RASA3: variants seen among roughly 807,000 people sequenced by gnomAD.
The protein encoded by RASA3 is ras GTPase-activating protein 3.
In RASA3, 73 loss-of-function variants were observed where a neutral mutation model predicts 110.0. The ratio of observed to expected loss-of-function variants is 0.66; its 90% CI spans 0.55 to 0.81. The LOEUF (loss-of-function observed/expected upper bound fraction) is 0.81, where lower values mean the gene tolerates loss of function less well. RASA3 is among the 30% of genes least tolerant of loss of function. The pLI, the probability that RASA3 is intolerant of heterozygous loss-of-function variation, is 0.00. For synonymous variants in RASA3, 500 were observed against 451.4 expected, an observed-to-expected ratio of 1.11 and a Z score of -1.37; for missense variants, 976 against 1,113.2, an observed-to-expected ratio of 0.88 and a Z score of 1.75.
At chr13:114,077,513 C>T (rs1187087055) in intron 1 of RASA3, among the ~76,000 whole-genome samples, 1 of 144,922 alleles carries the variant, frequency 6.9e-6, no homozygotes, top group Non-Finnish European at 1.5e-5. Flanking sequence ...CACACTGGCA[C>T]CAACGCACCG....
chr13:114,009,350 C>T lies in RASA3; in HGVS notation c.1668+37G>A, dbSNP rs372891629. Reference sequence around the variant, plus strand: ...AAAAGAGAACTCCGTCTCCTGAGCACGGCACACGGGCGGTCGGAGGGTGAG... The same window carrying T: ...AAAAGAGAACTCCGTCTCCTGAGCATGGCACACGGGCGGTCGGAGGGTGAG... On this transcript the variant is annotated intron_variant, in intron 17 of 23. Coordinates refer to ENST00000334062, the MANE Select transcript of RASA3 (RefSeq NM_007368.4). 79 of 1,515,946 alleles carry T rather than the reference C, an allele frequency of 5.2e-5. No individual in the cohort carries two copies. The African/African-American group carries it at 8.0e-4, about 15-fold the overall frequency. 93.9% of individuals were successfully genotyped at this position (1,515,946 alleles called of 1,614,324 possible).
chr13:114,038,785 G>A (rs554357270), intron 4 of RASA3, among the ~76,000 whole-genome samples: 7 of 152,246 alleles, frequency 4.6e-5, no homozygotes, highest in Admixed American at 3.3e-4. Context: ...GGTTGCCGGG[G>A]GACAAGGGTT....
chr13:114,038,728 C>G (rs1594367738), intron 4 of RASA3, among the ~76,000 whole-genome samples: 1 of 152,112 alleles, frequency 6.6e-6, no homozygotes, highest in African/African-American at 2.4e-5. Flanking sequence ...GACGAGGGTT[C>G]CCAGAGGACG....
At position 114,083,150 on chromosome 13, in the gene RASA3, A is replaced by G. The variant is rs531822275; in HGVS notation, c.56-9313T>C. Among the ~76,000 whole-genome samples, 3 of 152,256 alleles carry G rather than the reference A, an allele frequency of 2.0e-5. No homozygotes were observed. In the South Asian group the frequency reaches 6.2e-4, roughly 31 times the overall value. ...GGGAATGCTGGCGCTTCACTCATTC[A>G]TCAATGTCACAAGCAACTTTGTTGA... On this transcript the variant is annotated intron_variant, in intron 1 of 23. Coordinates refer to ENST00000334062, the MANE Select transcript of RASA3 (RefSeq NM_007368.4).
chr13:114,114,062 T>C lies in RASA3; in HGVS notation c.55+18373A>G, dbSNP rs971695072. On this transcript the variant is annotated intron_variant, in intron 1 of 23. Transcript: ENST00000334062. The surrounding 1 kb of genome is among the most constrained non-coding windows in gnomAD (Gnocchi z 4.8). ...GTCCGTATAGCTCACACCGCATCCA[T>C]CAATCCACCCACCACAGCAAGTGTC... Among the ~76,000 whole-genome samples, 3 of 152,166 alleles carry C rather than the reference T, an allele frequency of 2.0e-5. No individual in the cohort carries two copies. The East Asian group carries it at 5.8e-4, about 29-fold the overall frequency.
At chr13:114,093,559 T>G (rs2079910740) in intron 1 of RASA3, among the ~76,000 whole-genome samples, 1 of 152,230 alleles carries the variant, frequency 6.6e-6, no homozygotes, top group Non-Finnish European at 1.5e-5. Context: ...ATCTGATTGG[T>G]GACCTTTGAC....
At chr13:114,034,260 C>G (rs765457321) in intron 4 of RASA3, among the ~76,000 whole-genome samples, 1 of 152,260 alleles carries the variant, frequency 6.6e-6, no homozygotes, top group Admixed American at 6.5e-5. Context: ...GCTTCATCCC[C>G]GTTCTCAAAT....
intron 10 of RASA3, among the ~76,000 whole-genome samples, 199 bp downstream of exon 10, chr13:114,018,564 C>T (rs1431417022): frequency 6.6e-6 from 1 of 152,188 alleles, no homozygotes; most frequent in Non-Finnish European, 1.5e-5. Context: ...ACCAGGCTCC[C>T]ACGGCTCTAA....
chr13:114,079,179 A>T (rs985858993), intron 1 of RASA3, among the ~76,000 whole-genome samples: 1 of 152,212 alleles, frequency 6.6e-6, no homozygotes, highest in African/African-American at 2.4e-5. Context: ...GACGTCCTGG[A>T]GAGGCCAGGG....
intron 10 of RASA3, 100 bp downstream of exon 10, chr13:114,018,663 A>C: frequency 7.0e-7 from 1 of 1,433,028 alleles, no homozygotes; most frequent in South Asian, 1.3e-5. Context: ...AGGCCCCCTC[A>C]GGGAGAAGGT....
Position 114,096,335 on chromosome 13 carries a change from T to C in RASA3, c.56-22498A>G, listed in dbSNP as rs912142972. Among the ~76,000 whole-genome samples, 6 of 152,298 alleles carry C rather than the reference T, an allele frequency of 3.9e-5. No individual in the cohort carries two copies. Among genetic ancestry groups the C allele is most frequent in the Admixed American group, 1.3e-4 (2 of 15,306 alleles). On this transcript the variant is annotated intron_variant, in intron 1 of 23. Coordinates refer to ENST00000334062, the MANE Select transcript of RASA3 (RefSeq NM_007368.4). The surrounding 1 kb of genome is among the most constrained non-coding windows in gnomAD (Gnocchi z 5.1). ...CATGCCTCCTCTAGCAAATCGCCTC[T>C]CTCACAGTCACCTCAACAGCATCTC... is the stretch of plus-strand genomic sequence containing the variant.
intron 2 of RASA3, among the ~76,000 whole-genome samples, chr13:114,073,517 A>G (rs9525234): frequency 0.23 from 6,168 of 27,142 alleles, 139 homozygotes; most frequent in African/African-American, 0.35. Context: ...CCCTACACGC[A>G]GGAAAACGGG....
At chr13:114,059,660 CACT>C (rs1471192729) in intron 2 of RASA3, among the ~76,000 whole-genome samples, 1 of 152,258 alleles carries the variant, frequency 6.6e-6, no homozygotes, top group African/African-American at 2.4e-5. Context: ...CAGGACACAC[CACT>C]GCCTGGCTTG....
At chr13:114,097,107 A>G (rs7332011) in intron 1 of RASA3, among the ~76,000 whole-genome samples, 143,524 of 152,226 alleles carry the variant, frequency 0.94, 67,994 homozygotes, top group Non-Finnish European at 1. Context: ...CAGCAGCTAT[A>G]GTTGTGTGCA....
At chr13:114,061,931 G>A (rs1261391112) in intron 2 of RASA3, among the ~76,000 whole-genome samples, 1 of 152,126 alleles carries the variant, frequency 6.6e-6, no homozygotes, top group African/African-American at 2.4e-5. Flanking sequence ...CAGGGGTTGG[G>A]CGGGGAGGAC....
rs372828371 is a variant in RASA3, at chr13:114,126,485, G to A, written c.55+5950C>T. On this transcript the variant is annotated intron_variant, in intron 1 of 23. Transcript: ENST00000334062. ...CTCCCAGACCCCCTCCAAGATGACA[G>A]CCAAAACCAAAGCCACCTCTCTCTT... Among the ~76,000 whole-genome samples, 9 of 151,412 alleles carry A rather than the reference G, an allele frequency of 5.9e-5. No homozygotes were observed. In the East Asian group the frequency reaches 7.7e-4, roughly 13 times the overall value.
intron 2 of RASA3, among the ~76,000 whole-genome samples, chr13:114,053,289 A>AACC: frequency 6.6e-6 from 1 of 152,326 alleles, no homozygotes; most frequent in South Asian, 2.1e-4. Flanking sequence ...GACTTGAAAT[A>AACC]ACCACAACCC....
At chr13:114,081,851 C>T (rs886774476) in intron 1 of RASA3, among the ~76,000 whole-genome samples, 22 of 152,188 alleles carry the variant, frequency 1.4e-4, no homozygotes, top group Non-Finnish European at 2.9e-5. Context: ...CCCCCAGGGC[C>T]CCCGTGTTCC....
At position 114,009,377 on chromosome 13, in the gene RASA3, C is replaced by T. The variant is rs187325892; in HGVS notation, c.1668+10G>A. On this transcript the variant is annotated intron_variant, in intron 17 of 23. Coordinates refer to ENST00000334062, the MANE Select transcript of RASA3 (RefSeq NM_007368.4). ...GCACACGGGCGGTCGGAGGGTGAGT[C>T]GATACTTACGTTCTTCACCGCATCA... 30 of 1,607,592 alleles carry T rather than the reference C, an allele frequency of 1.9e-5. No homozygotes were observed. The highest frequency in any genetic ancestry group is 1.7e-4 in the Admixed American group (10 of 59,978).
Sources: gnomAD v4.1 joint callset for allele counts (sites outside exome capture counted in the v4.1 genomes callset) on GRCh38, gnomAD v4.1.1 for gene constraint, Gnocchi (gnomAD v3.1) non-coding constraint, MANE v1.5 for transcripts, NCBI Gene and HGNC (gene_info 2026-07-23, HGNC 2026-07-21) for gene names.